The following CREBZF variants were observed in gnomAD, a reference collection of about 807,000 sequenced individuals.
CREBZF encodes CREB/ATF bZIP transcription factor.
A neutral mutation model predicts 21.1 loss-of-function variants in CREBZF; 8 were observed. The ratio of observed to expected loss-of-function variants is 0.38; its 90% CI spans 0.22 to 0.68. CREBZF has a LOEUF of 0.68. CREBZF is among the 30% of genes least tolerant of loss of function. The pLI, the probability that CREBZF is intolerant of heterozygous loss-of-function variation, is 0.51. For missense variants in CREBZF, 518 were observed against 484.3 expected, an observed-to-expected ratio of 1.07 and a Z score of -0.65; for synonymous variants, 270 against 223.3, an observed-to-expected ratio of 1.21 and a Z score of -1.86.
rs1191514004 is a variant in CREBZF at position 85,661,208 on chromosome 11, T to C, written c.*2603A>G. 1 of 152,448 alleles carries C rather than the reference T, an allele frequency of 6.6e-6. No individual in the cohort carries two copies. The highest frequency in any genetic ancestry group is 1.5e-5 in the Non-Finnish European group (1 of 67,956). 9.4% of individuals were successfully genotyped at this position (152,448 alleles called of 1,614,324 possible). On this transcript the variant is annotated 3_prime_UTR_variant, in exon 1 of 1. Transcript: ENST00000527447. ...AGTAAAATGTGCTTACACATAAATATGACCAAATTTATTTAAAGCCCCTAT... is the reference window on the plus strand; with the variant it reads ...AGTAAAATGTGCTTACACATAAATACGACCAAATTTATTTAAAGCCCCTAT...
At chr11:85,682,606 TC>T (rs1218582964) in intron 1 of CREBZF, 14 of 204,636 alleles carry the variant, frequency 6.8e-5, no homozygotes, top group Admixed American at 2.7e-4. Flanking sequence ...CCTGCCCTAC[TC>T]CCCCCAACGC....
intron 1 of CREBZF, among the ~76,000 whole-genome samples, chr11:85,672,472 G>A (rs1182908648): frequency 6.6e-6 from 1 of 152,226 alleles, no homozygotes; most frequent in Non-Finnish European, 1.5e-5. Context: ...TCATCAGGCT[G>A]CAAATTTTCC....
intron 1 of CREBZF, among the ~76,000 whole-genome samples, chr11:85,671,291 A>G (rs1461257193): frequency 6.6e-6 from 1 of 152,208 alleles, no homozygotes; most frequent in African/African-American, 2.4e-5. Flanking sequence ...ATTACCTCCC[A>G]CTGGGTCCCT....
chr11:85,670,300 C>CTGT (rs2082903619), intron 1 of CREBZF, among the ~76,000 whole-genome samples: 1 of 39,218 alleles, frequency 2.5e-5, no homozygotes, highest in Non-Finnish European at 4.1e-5. Flanking sequence ...ATCTCAAGTT[C>CTGT]TTTTTTTTTT....
At chr11:85,673,849 C>A (rs2082927617) in intron 1 of CREBZF, among the ~76,000 whole-genome samples, 1 of 152,216 alleles carries the variant, frequency 6.6e-6, no homozygotes, top group African/African-American at 2.4e-5. Context: ...ATGTTCACAG[C>A]ATCTTCACCA....
rs150502009 is a variant in CREBZF, at chr11:85,682,097, T to A, written n.147+620A>T. On this transcript the variant is annotated intron_variant and non_coding_transcript_variant, in intron 1 of 3. Transcript: ENST00000531515. Reference sequence around the variant, plus strand: ...AATAAGAATTTCGCGACAGCAACAGTGAGCATTAAACCAGGTGTGGGGGCC... The same window carrying A: ...AATAAGAATTTCGCGACAGCAACAGAGAGCATTAAACCAGGTGTGGGGGCC... 3.6e-3 allele frequency among the ~76,000 whole-genome samples: 544 copies of A among 152,260 alleles called. 3 individuals are homozygous for A. The highest frequency in any genetic ancestry group is 0.012 in the African/African-American group (500 of 41,548).
rs2082699808 is a variant in CREBZF at position 85,662,034 on chromosome 11, G to A, written c.*1777C>T. 1 of 167,042 alleles carries A rather than the reference G, an allele frequency of 6.0e-6. No individual in the cohort carries two copies. The highest frequency in any genetic ancestry group is 5.9e-5 in the Admixed American group (1 of 16,980). 10.3% of individuals were successfully genotyped at this position (167,042 alleles called of 1,614,324 possible). A position where few individuals can be genotyped will look rare whatever the true frequency, so the allele number is the denominator to read the frequency against. ...AAAAACCCATGCAGCTGCATTGTGA[G>A]GGGCTTGCTCCTGCCCTTAGGTATA... is the stretch of plus-strand genomic sequence containing the variant. On this transcript the variant is annotated 3_prime_UTR_variant, in exon 1 of 1. Transcript: ENST00000527447.
chr11:85,674,808 T>G (rs1377491029), intron 1 of CREBZF, among the ~76,000 whole-genome samples: 1 of 152,258 alleles, frequency 6.6e-6, no homozygotes, highest in East Asian at 1.9e-4. Flanking sequence ...ACCTTGCCCT[T>G]CTTTGTTACA....
At chr11:85,665,187 C>T, upstream of CREBZF, 1 of 362,796 alleles carries the variant, frequency 2.8e-6, no homozygotes, top group Admixed American at 4.7e-5. Flanking sequence ...GCCGTAGTGT[C>T]GCGAGATTTC....
upstream of CREBZF, among the ~76,000 whole-genome samples, chr11:85,666,000 A>G (rs2082856145): frequency 1.3e-5 from 2 of 152,196 alleles, no homozygotes; most frequent in Non-Finnish European, 2.9e-5. Context: ...CACCCTTGTT[A>G]TTGACCTTTG....
intron 1 of CREBZF, among the ~76,000 whole-genome samples, chr11:85,680,290 G>A (rs901975460): frequency 6.6e-6 from 1 of 152,168 alleles, no homozygotes; most frequent in African/African-American, 2.4e-5. Flanking sequence ...GTGTTCCAAA[G>A]TGTGAACCTG....
upstream of CREBZF, among the ~76,000 whole-genome samples, chr11:85,666,575 G>A (rs1253446737): frequency 6.6e-6 from 1 of 152,190 alleles, no homozygotes; most frequent in African/African-American, 2.4e-5. Context: ...CTTCTCTATA[G>A]GATACTGAAT....
chr11:85,664,637 G>C lies in CREBZF; in HGVS notation c.239C>G (p.Pro80Arg), dbSNP rs776735523. The change falls in exon 1 of 1, where the codon CCC (proline) becomes CGC (arginine). Residue 80 changes from proline to arginine, a missense_variant. By Grantham distance (103) the Pro-to-Arg change is moderately radical. This residue lies in a region of CREBZF where 396 missense variants were observed against 324.4 expected (regional missense o/e 1.22). Transcript: ENST00000527447. This position sits in a 1 kb window ranked among gnomAD's most constrained non-coding sequence, Gnocchi z 5.5. ...RGGVAVRAPSPEEMEEEAIAS... is the reference protein window; with the variant it reads ...RGGVAVRAPSREEMEEEAIAS... The stretch of plus-strand genomic sequence containing the variant: ...GATCGCCTCCTCCTCCATCTCCTCG[G>C]GGGAGGGCGCGCGCACGGCCACGCC... 5 of 1,609,682 alleles carry C rather than the reference G, an allele frequency of 3.1e-6. No individual in the cohort carries two copies. The highest frequency in any genetic ancestry group is 1.1e-5 in the South Asian group (1 of 90,846).
rs752430470 is a variant in CREBZF, at chr11:85,664,580, A to C, written c.296T>G (p.Met99Arg). Residue 99 changes from methionine (M) to arginine (R), a missense_variant, in exon 1 of 1, where the codon ATG becomes AGG. Met to Arg is a moderately conservative substitution (Grantham distance 91, BLOSUM62 -1). Coordinates refer to ENST00000527447, the MANE Select transcript of CREBZF (RefSeq NM_001039618.4). This position sits in a 1 kb window ranked among gnomAD's most constrained non-coding sequence, Gnocchi z 5.5. ...ASLPGEETEDMDFLSGLELAD... is the reference protein window; with the variant it reads ...ASLPGEETEDRDFLSGLELAD... ...CAGTTCCAGCCCAGACAGAAAGTCC[A>C]TATCCTCCGTCTCTTCCCCCGGGAG... 9 of 1,613,696 alleles carry C rather than the reference A, an allele frequency of 5.6e-6. No individual in the cohort carries two copies. The African/African-American group carries it at 6.7e-5, about 12-fold the overall frequency.
In CREBZF at chr11:85,665,035, C is replaced by CCCG. The variant is rs1218112250; in HGVS notation, c.-163_-161dup. 1 of 480,528 alleles carries CCCG rather than the reference C, an allele frequency of 2.1e-6. No individual in the cohort carries two copies. Among genetic ancestry groups the CCCG allele is most frequent in the Non-Finnish European group, 3.5e-6 (1 of 285,746 alleles). The allele number at this position is 480,528 out of a possible 1,614,324, so 29.8% of individuals were successfully genotyped here. On this transcript the variant is annotated 5_prime_UTR_variant, in exon 1 of 1. Coordinates refer to ENST00000527447, the MANE Select transcript of CREBZF (RefSeq NM_001039618.4). The stretch of plus-strand genomic sequence containing the variant: ...CCCGCCTCACTTGGCTAGTCGACCC[C>CCCG]CCGCGCCAAGGCGCGGGGAGGGACG...
chr11:85,669,151 G>T (rs564873988), upstream of CREBZF, among the ~76,000 whole-genome samples: 4 of 151,840 alleles, frequency 2.6e-5, no homozygotes, highest in Non-Finnish European at 5.9e-5. Flanking sequence ...CAAGTCTTTG[G>T]GGGGAAGGAG....
At chr11:85,671,295 G>A (rs576812560) in intron 1 of CREBZF, among the ~76,000 whole-genome samples, 1 of 152,120 alleles carries the variant, frequency 6.6e-6, no homozygotes, top group African/African-American at 2.4e-5. Flanking sequence ...CCTCCCACTG[G>A]GTCCCTTCCA....
rs1452253616 is a variant in CREBZF, at chr11:85,659,298, A to G, written c.*4513T>C. On this transcript the variant is annotated 3_prime_UTR_variant, in exon 1 of 1. Coordinates refer to ENST00000527447, the MANE Select transcript of CREBZF (RefSeq NM_001039618.4). ...CACATTCAAAATGCTGAACTAGATA[A>G]TCACATATTAAAAAGGTAATGACTC... 6.6e-6 allele frequency among the ~76,000 whole-genome samples: 1 copy of G among 152,100 alleles called. No homozygotes were observed. The highest frequency in any genetic ancestry group is 1.5e-5 in the Non-Finnish European group (1 of 67,934).
In CREBZF at chr11:85,662,249, A is replaced by G. The variant is rs546555319; in HGVS notation, c.*1562T>C. On this transcript the variant is annotated 3_prime_UTR_variant, in exon 1 of 1. Coordinates refer to ENST00000527447, the MANE Select transcript of CREBZF (RefSeq NM_001039618.4). ...ACAAGGATTCCATTTTCATAACCAA[A>G]TAACAAAATAAAACATTTTATGTGT... is the stretch of plus-strand genomic sequence containing the variant. 5.7e-4 allele frequency: 335 copies of G among 591,538 alleles called. 1 individual carries two copies. The highest frequency in any genetic ancestry group is 9.7e-4 in the Non-Finnish European group (311 of 321,264). 36.6% of individuals were successfully genotyped at this position (591,538 alleles called of 1,614,324 possible).
Sources: allele counts gnomAD v4.1 joint callset (sites outside exome capture counted in the v4.1 genomes callset), GRCh38; gene constraint gnomAD v4.1.1; regional missense constraint gnomAD v4.1.1; non-coding constraint Gnocchi (gnomAD v3.1); transcripts MANE v1.5; gene names NCBI Gene and HGNC (gene_info 2026-07-23, HGNC 2026-07-21).